The following XKR4 variants were observed in gnomAD, a reference collection of about 807,000 sequenced individuals.
XKR4 encodes XK related 4, also known as XK-related protein 4.
Under a neutral mutation model 53.9 loss-of-function variants are expected in XKR4, and 12 were observed. That is an observed-to-expected ratio of 0.22 (90% CI 0.14 to 0.36). The LOEUF (loss-of-function observed/expected upper bound fraction) is 0.36, where lower values mean the gene tolerates loss of function less well. Among genes scored for constraint, XKR4 ranks in the 10% least tolerant of loss-of-function variants. The pLI is 1.00. For synonymous variants in XKR4, 354 were observed against 362.4 expected, an observed-to-expected ratio of 0.98 and a Z score of 0.26; for missense variants, 799 against 859.5, an observed-to-expected ratio of 0.93 and a Z score of 0.88.
At position 55,429,375 on chromosome 8, in the gene XKR4, A is replaced by G. The variant is rs1026070142; in HGVS notation, c.1006+71498A>G. Among the ~76,000 whole-genome samples, 10 of 152,256 alleles carry G rather than the reference A, an allele frequency of 6.6e-5. No homozygotes were observed. In the East Asian group the frequency reaches 1.5e-3, roughly 23 times the overall value. ...GGGGATCTAGAGCAAAGAGTTTTAA[A>G]CTTCATAGCAAAAGCAAGGTTGATA... On this transcript the variant is annotated intron_variant, in intron 2 of 2. Transcript: ENST00000327381.
At chr8:55,356,327 C>T (rs1346487065) in intron 1 of XKR4, among the ~76,000 whole-genome samples, 1 of 152,310 alleles carries the variant, frequency 6.6e-6, no homozygotes, top group East Asian at 1.9e-4. Flanking sequence ...AAAATTCTAA[C>T]ACTAATTACC....
At chr8:55,225,991 G>T (rs1817947061) in intron 1 of XKR4, among the ~76,000 whole-genome samples, 1 of 152,304 alleles carries the variant, frequency 6.6e-6, no homozygotes, top group African/African-American at 2.4e-5. Flanking sequence ...CCTCTGTCTG[G>T]CCCAGACAAC....
intron 1 of XKR4, among the ~76,000 whole-genome samples, chr8:55,308,315 A>C (rs1047391070): frequency 6.6e-6 from 1 of 152,184 alleles, no homozygotes; most frequent in African/African-American, 2.4e-5. Context: ...TTTATAAAGG[A>C]AAGAGGTTTA....
At chr8:55,141,791 T>G (rs1194083115) in intron 1 of XKR4, among the ~76,000 whole-genome samples, 3 of 151,870 alleles carry the variant, frequency 2.0e-5, no homozygotes, top group Admixed American at 2.0e-4. Context: ...GAATCTCAAT[T>G]ATAAGCTCCC....
At chr8:55,242,080 C>T (rs1818218015) in intron 1 of XKR4, among the ~76,000 whole-genome samples, 1 of 152,108 alleles carries the variant, frequency 6.6e-6, no homozygotes, top group Non-Finnish European at 1.5e-5. Flanking sequence ...AAGATTTTAC[C>T]TATGAATGCA....
chr8:55,126,291 A>G (rs1816467843), intron 1 of XKR4, among the ~76,000 whole-genome samples: 1 of 152,118 alleles, frequency 6.6e-6, no homozygotes, highest in Non-Finnish European at 1.5e-5. Flanking sequence ...TCTTCTGGGG[A>G]AACAGTGACG....
intron 1 of XKR4, among the ~76,000 whole-genome samples, chr8:55,261,239 C>A (rs192562735): frequency 5.3e-4 from 81 of 152,218 alleles, no homozygotes; most frequent in African/African-American, 1.9e-3. Flanking sequence ...AGCATTGAAC[C>A]TTTCCAGAAC....
intron 1 of XKR4, among the ~76,000 whole-genome samples, chr8:55,174,139 A>G (rs1248601387): frequency 1.3e-5 from 2 of 152,082 alleles, no homozygotes; most frequent in Non-Finnish European, 1.5e-5. Flanking sequence ...ATGTTTTTAT[A>G]TGATCATTTA....
chr8:55,204,018 T>C (rs972992464), intron 1 of XKR4, among the ~76,000 whole-genome samples: 2 of 152,098 alleles, frequency 1.3e-5, no homozygotes, highest in Non-Finnish European at 2.9e-5. Flanking sequence ...TGTTTTTTGT[T>C]TGTTCGTTTT....
chr8:55,491,824 G>GT (rs1401184328), intron 2 of XKR4, among the ~76,000 whole-genome samples: 1 of 152,040 alleles, frequency 6.6e-6, no homozygotes, highest in African/African-American at 2.4e-5. Context: ...AAAACGTACA[G>GT]TATCACAACC....
intron 1 of XKR4, among the ~76,000 whole-genome samples, chr8:55,130,972 C>G (rs548663687): frequency 6.6e-6 from 1 of 151,952 alleles, no homozygotes; most frequent in Non-Finnish European, 1.5e-5. Context: ...CCAGCTTGAC[C>G]GACGTGGAGA....
chr8:55,453,599 G>A (rs1192225318), intron 2 of XKR4: 2 of 407,294 alleles, frequency 4.9e-6, no homozygotes, highest in East Asian at 6.2e-5. Context: ...CATGGCTAGG[G>A]GTGCACCTTG....
rs143505067 is a variant in XKR4 at position 55,279,373 on chromosome 8, T to A, written c.807-78305T>A. 4.2e-3 allele frequency among the ~76,000 whole-genome samples: 641 copies of A among 152,282 alleles called. 9 individuals are homozygous for A. Among genetic ancestry groups the A allele is most frequent in the African/African-American group, 0.014 (596 of 41,556 alleles). On this transcript the variant is annotated intron_variant, in intron 1 of 2. Transcript: ENST00000327381. ...CACAGTGTATCTGTAAATTCCCAAA[T>A]GATGCTGAGGTGGGAGCACTTTCAG...
At chr8:55,398,187 G>A (rs1585555488) in intron 2 of XKR4, among the ~76,000 whole-genome samples, 1 of 152,040 alleles carries the variant, frequency 6.6e-6, no homozygotes, top group Non-Finnish European at 1.5e-5. Context: ...CTCCAAAAGG[G>A]CTGCCTACAG....
chr8:55,267,215 C>G (rs1818618949), intron 1 of XKR4, among the ~76,000 whole-genome samples: 1 of 151,286 alleles, frequency 6.6e-6, no homozygotes, highest in South Asian at 2.1e-4. Context: ...AAGGAATATC[C>G]AAACTAGAGA....
At chr8:55,177,086 G>A (rs796509144) in intron 1 of XKR4, among the ~76,000 whole-genome samples, 6 of 151,482 alleles carry the variant, frequency 4.0e-5, no homozygotes, top group African/African-American at 1.5e-4. Flanking sequence ...ACCCAGGCTG[G>A]AGTGTAGTGG....
intron 2 of XKR4, among the ~76,000 whole-genome samples, chr8:55,387,259 G>T (rs1252728688): frequency 6.6e-6 from 1 of 152,136 alleles, no homozygotes; most frequent in East Asian, 1.9e-4. Flanking sequence ...AGCCCTCTGG[G>T]CTGTCCTTGG....
intron 1 of XKR4, among the ~76,000 whole-genome samples, chr8:55,320,835 C>A (rs968108153): frequency 1.3e-5 from 2 of 152,012 alleles, no homozygotes; most frequent in Non-Finnish European, 2.9e-5. Context: ...TCAGAAACTA[C>A]GACAGAAGGC....
At chr8:55,412,413 A>AT (rs1177550804) in intron 2 of XKR4, among the ~76,000 whole-genome samples, 1 of 152,100 alleles carries the variant, frequency 6.6e-6, no homozygotes, top group East Asian at 1.9e-4. Context: ...GCTTATTTAA[A>AT]TTTTTTTTAA....
Sources: allele counts gnomAD v4.1 joint callset (sites outside exome capture counted in the v4.1 genomes callset), GRCh38; gene constraint gnomAD v4.1.1; transcripts MANE v1.5; gene names NCBI Gene and HGNC (gene_info 2026-07-23, HGNC 2026-07-21).